Variants in NUP153 observed in about 807,000 individuals in gnomAD.
NUP153 encodes the protein nuclear pore complex protein Nup153.
NUP153 carries 27 observed loss-of-function variants against 134.6 expected under a neutral mutation model. The ratio of observed to expected loss-of-function variants is 0.20; its 90% CI spans 0.15 to 0.28. NUP153 has a LOEUF of 0.28. Among genes scored for constraint, NUP153 ranks in the 10% least tolerant of loss-of-function variants. The probability of loss-of-function intolerance (pLI) is 1.00; values close to 1 mark genes in which losing one functional copy is unlikely to be tolerated. For missense variants in NUP153, 1,821 were observed against 1,731.3 expected (o/e 1.05, Z -0.92); for synonymous variants, 640 against 623.5 (o/e 1.03, Z -0.40).
At chr6:17,683,625 G>A (rs1768744845) in intron 2 of NUP153, among the ~76,000 whole-genome samples, 1 of 152,128 alleles carries the variant, frequency 6.6e-6, no homozygotes. Context: ...ACACAGCACA[G>A]GCAGAGTAGA....
chr6:17,676,277 TA>T (rs1768216531), intron 2 of NUP153, among the ~76,000 whole-genome samples: 1 of 152,152 alleles, frequency 6.6e-6, no homozygotes, highest in African/African-American at 2.4e-5. Context: ...TAACCTAAGG[TA>T]ATCTCTTAAA....
At chr6:17,674,819 T>C in intron 5 of NUP153, 86 bp downstream of exon 5, 1 of 1,093,012 alleles carries the variant, frequency 9.1e-7, no homozygotes, top group South Asian at 2.2e-5. Flanking sequence ...CAAAACTATT[T>C]TTTTGAGCAC....
At chr6:17,677,875 C>T (rs1450362774) in intron 2 of NUP153, among the ~76,000 whole-genome samples, 1 of 151,976 alleles carries the variant, frequency 6.6e-6, no homozygotes, top group East Asian at 1.9e-4. Flanking sequence ...TTTCTGACTA[C>T]TGCTTAAATA....
intron 2 of NUP153, among the ~76,000 whole-genome samples, chr6:17,686,267 G>A (rs1768917832): frequency 6.6e-6 from 1 of 152,196 alleles, no homozygotes; most frequent in Admixed American, 6.5e-5. Context: ...TAGCTCCATG[G>A]ATGTTAATGC....
rs746526923 is a variant in NUP153 at position 17,640,061 on chromosome 6, T to A, written c.1724A>T (p.His575Leu). ...TGTACTGTTCACTGTAGTGACATGA[T>A]GAGCTGTAATTTTTTTAAATTTAAT... ...TLEPIISSSA[H>L]HVTTVNSTNC... The change falls in exon 15 of 22, where the codon CAT becomes CTT. Residue 575 changes from histidine to leucine, a missense_variant. His to Leu is a moderately conservative substitution (Grantham distance 99). Transcript: ENST00000262077. 5 of 1,553,130 alleles carry A rather than the reference T, an allele frequency of 3.2e-6. No homozygotes were observed. The highest frequency in any genetic ancestry group is 1.4e-5 in the African/African-American group (1 of 72,062).
intron 11 of NUP153, among the ~76,000 whole-genome samples, chr6:17,654,163 A>C (rs1385674169): frequency 6.6e-6 from 1 of 152,162 alleles, no homozygotes; most frequent in African/African-American, 2.4e-5. Context: ...AGGAACAAAC[A>C]AAAGATGCAT....
intron 1 of NUP153, among the ~76,000 whole-genome samples, chr6:17,693,918 T>C (rs1450418680): frequency 6.6e-6 from 1 of 152,184 alleles, no homozygotes; most frequent in African/African-American, 2.4e-5. Context: ...ACTTCTCTAG[T>C]AGAAATTTGC....
chr6:17,651,238 G>C (rs555943646), intron 11 of NUP153, among the ~76,000 whole-genome samples: 1 of 152,136 alleles, frequency 6.6e-6, no homozygotes, highest in Non-Finnish European at 1.5e-5. Flanking sequence ...AGGAGTTCGA[G>C]GCTGTAGTGG....
intron 1 of NUP153, among the ~76,000 whole-genome samples, chr6:17,690,279 G>C (rs942652103): frequency 5.3e-5 from 8 of 152,092 alleles, no homozygotes; most frequent in Admixed American, 5.2e-4. Flanking sequence ...GTGAACCCGG[G>C]TGGCGTAGCT....
intron 1 of NUP153, among the ~76,000 whole-genome samples, chr6:17,698,351 G>A (rs1769801682): frequency 6.6e-6 from 1 of 152,146 alleles, no homozygotes; most frequent in Admixed American, 6.6e-5. Flanking sequence ...TCAGTGCTTT[G>A]GAGGCCAAGG....
intron 11 of NUP153, among the ~76,000 whole-genome samples, chr6:17,660,791 T>C (rs773086006): frequency 1.3e-5 from 2 of 152,100 alleles, no homozygotes; most frequent in African/African-American, 2.4e-5. Context: ...TCATCCCCTA[T>C]AATCCAACAA....
At position 17,629,155 on chromosome 6, in the gene NUP153, G is replaced by A. The variant is rs373401061; in HGVS notation, c.3044C>T (p.Pro1015Leu). ...GCTAAAACCTGCAGAGGAAGATTTG[G>A]GCAGTTCCTCTTTCTTTTCTTCCTG... ...LGQEEKKEEL[P>L]KSSSAGFSFG... Residue 1015 changes from proline (P) to leucine (L), a missense_variant, in exon 18 of 22, where the codon CCC (proline) becomes CTC (leucine). Pro to Leu is a moderately conservative substitution (Grantham distance 98, BLOSUM62 -3). Coordinates refer to ENST00000262077, the MANE Select transcript of NUP153 (RefSeq NM_005124.4). 3.5e-5 allele frequency: 56 copies of A among 1,612,996 alleles called. No homozygotes were observed. The highest frequency in any genetic ancestry group is 3.0e-4 in the Admixed American group (18 of 59,780).
intron 11 of NUP153, among the ~76,000 whole-genome samples, chr6:17,653,204 G>T (rs1581708011): frequency 6.6e-6 from 1 of 152,168 alleles, no homozygotes; most frequent in Non-Finnish European, 1.5e-5. Context: ...AGTGAGCCAA[G>T]ATCGTGCTAC....
chr6:17,651,925 C>A, intron 11 of NUP153: 1 of 630,042 alleles, frequency 1.6e-6, no homozygotes, highest in South Asian at 1.7e-5. Flanking sequence ...GAGACCTTGT[C>A]TCTACAAATA....
chr6:17,700,610 A>G (rs1769990367), intron 1 of NUP153, among the ~76,000 whole-genome samples: 1 of 152,214 alleles, frequency 6.6e-6, no homozygotes, highest in African/African-American at 2.4e-5. Context: ...AAATCTGAGA[A>G]CACTCCAGCT....
chr6:17,637,390 C>A lies in NUP153; in HGVS notation c.2227G>T (p.Val743Leu). 6.2e-7 allele frequency: 1 copy of A among 1,614,228 alleles called. No homozygotes were observed. ...VQNKPEAIKC[V>L]ACETPKPGTC... ...CCAGGTTTCGGTGTTTCACAGGCTA[C>A]ACATTTTATTGCTTCAGGTTTATTT... The change falls in exon 16 of 22, where the codon GTA (valine) becomes TTA (leucine). Residue 743 changes from valine to leucine, a missense_variant. Physicochemically the swap from Val to Leu is conservative, Grantham distance 32. Transcript: ENST00000262077.
rs1765044189 is a variant in NUP153, at chr6:17,628,231, G to A, written c.3544+424C>T. On this transcript the variant is annotated intron_variant, in intron 18 of 21. Transcript: ENST00000262077. The surrounding 1 kb of genome is among the most constrained non-coding windows in gnomAD (Gnocchi z 5.4). ...AGGATTAATTATATTTGTTGTCTAT[G>A]TTTCTTAATGTTTGATGAGGACTGG... Among the ~76,000 whole-genome samples, 1 of 152,102 alleles carries A rather than the reference G, an allele frequency of 6.6e-6. No individual in the cohort carries two copies. The highest frequency in any genetic ancestry group is 6.6e-5 in the Admixed American group (1 of 15,262).
intron 11 of NUP153, among the ~76,000 whole-genome samples, chr6:17,659,041 G>C (rs1030245531): frequency 6.6e-6 from 1 of 152,034 alleles, no homozygotes; most frequent in Non-Finnish European, 1.5e-5. Flanking sequence ...CAACCGAAAG[G>C]GCCTACTTCT....
At chr6:17,650,009 C>T (rs752655039) in intron 11 of NUP153, among the ~76,000 whole-genome samples, 103 of 152,076 alleles carry the variant, frequency 6.8e-4, no homozygotes, top group Non-Finnish European at 1.5e-3. Context: ...TGATTTTTAA[C>T]CCAACTGAAC....
Sources: allele counts gnomAD v4.1 joint callset (sites outside exome capture counted in the v4.1 genomes callset), GRCh38; gene constraint gnomAD v4.1.1; non-coding constraint Gnocchi (gnomAD v3.1); transcripts MANE v1.5; gene names NCBI Gene and HGNC (gene_info 2026-07-23, HGNC 2026-07-21).